Variants in FGGY observed in about 807,000 individuals in gnomAD.
The protein encoded by FGGY is FGGY carbohydrate kinase domain-containing protein.
FGGY carries 72 observed loss-of-function variants against 71.3 expected under a neutral mutation model. That is an observed-to-expected ratio of 1.01 (90% CI 0.84 to 1.23). The LOEUF is 1.23. Among genes scored for constraint, FGGY ranks in the 50% most tolerant of loss-of-function variants. The pLI is 0.00. For synonymous variants in FGGY, 251 were observed against 250.3 expected (o/e 1.00, Z -0.02); for missense variants, 668 against 682.3 (o/e 0.98, Z 0.23).
intron 2 of FGGY, among the ~76,000 whole-genome samples, chr1:59,339,010 C>T (rs1012855234): frequency 3.9e-5 from 6 of 152,132 alleles, no homozygotes; most frequent in African/African-American, 1.4e-4. Flanking sequence ...GGCATTGTGA[C>T]GCCACACATG....
chr1:59,607,913 A>G lies in FGGY; in HGVS notation c.1011+3A>G. The G allele has an allele frequency of 1.9e-6, 3 of 1,610,184 alleles. No homozygotes were observed. Among genetic ancestry groups the G allele is most frequent in the Non-Finnish European group, 2.5e-6 (3 of 1,176,544 alleles). ...GTCAGAGCGTTACTGGAAAATTGGT[A>G]AGTTGACACTTTCTCAATAGGGTCA... On this transcript the variant is annotated splice_donor_region_variant and intron_variant, in intron 9 of 15. Transcript: ENST00000303721.
At chr1:59,340,129 G>A in intron 3 of FGGY, 60 bp downstream of exon 3, 1 of 1,218,216 alleles carries the variant, frequency 8.2e-7, no homozygotes. Context: ...AATCCAATGG[G>A]CCCAGGTGGA....
chr1:59,665,510 A>G (rs1446802439), intron 12 of FGGY, among the ~76,000 whole-genome samples: 5 of 152,048 alleles, frequency 3.3e-5, no homozygotes, highest in Non-Finnish European at 7.4e-5. Context: ...TTCATGTCCT[A>G]TGGTTCCCAG....
chr1:59,535,494 T>C (rs1328751562), intron 7 of FGGY, among the ~76,000 whole-genome samples: 2 of 152,146 alleles, frequency 1.3e-5, no homozygotes, highest in African/African-American at 2.4e-5. Context: ...AATAGACATC[T>C]ACAGAACTCT....
chr1:59,668,991 CAAAAAAAAAAAA>C (rs33999903), intron 13 of FGGY, among the ~76,000 whole-genome samples: 1 of 37,108 alleles, frequency 2.7e-5, no homozygotes, highest in Non-Finnish European at 6.4e-5. Context: ...AACTCCATCT[CAAAAAAAAAAAA>C]AAAAAAAAAG....
Position 59,297,154 on chromosome 1 carries a change from AG to A in FGGY, c.-15+6del, listed in dbSNP as rs920512601. ...AGTCCCCTGTGTCCTCTTCTGGGTG[AG>A]GCGTCCGGCCACTTAAGGGAAGGGA... On this transcript the variant is annotated splice_donor_5th_base_variant and intron_variant, in intron 1 of 15. Transcript: ENST00000303721. 2.2e-4 allele frequency: 34 copies of A among 152,258 alleles called. No homozygotes were observed. Among genetic ancestry groups the A allele is most frequent in the African/African-American group, 8.0e-4 (33 of 41,312 alleles). The allele number at this position is 152,258 out of a possible 1,614,324, so 9.4% of individuals were successfully genotyped here.
chr1:59,440,094 C>CAAAAAAAAAAAAAAAAAAAGAAAAAAAA (rs140279518), intron 5 of FGGY, among the ~76,000 whole-genome samples: 1 of 125,542 alleles, frequency 8.0e-6, no homozygotes. Flanking sequence ...TTGCAAGGTT[C>CAAAAAAAAAAAAAAAAAAAGAAAAAAAA]AAAAAAAAAA....
intron 10 of FGGY, among the ~76,000 whole-genome samples, chr1:59,634,779 G>A (rs913207846): frequency 1.3e-5 from 2 of 152,134 alleles, no homozygotes; most frequent in African/African-American, 4.8e-5. Flanking sequence ...TAGTGCTCAG[G>A]GCTCTATGTT....
chr1:59,593,057 C>A (rs1287860718), intron 8 of FGGY, among the ~76,000 whole-genome samples: 1 of 152,230 alleles, frequency 6.6e-6, no homozygotes, highest in African/African-American at 2.4e-5. Context: ...CACATATACA[C>A]CCTGATGCTG....
chr1:59,551,912 G>A (rs898500037), intron 7 of FGGY, among the ~76,000 whole-genome samples: 1 of 152,118 alleles, frequency 6.6e-6, no homozygotes, highest in African/African-American at 2.4e-5. Context: ...ATGGAGAATC[G>A]TGTCACTCAG....
intron 2 of FGGY, among the ~76,000 whole-genome samples, chr1:59,326,013 A>G (rs1408828504): frequency 6.6e-6 from 1 of 152,252 alleles, no homozygotes; most frequent in Non-Finnish European, 1.5e-5. Flanking sequence ...TTATGGAGCC[A>G]CAAATCTTAA....
intron 9 of FGGY, among the ~76,000 whole-genome samples, chr1:59,622,169 AGTTT>A (rs2096816254): frequency 2.0e-5 from 3 of 152,186 alleles, no homozygotes; most frequent in Admixed American, 1.3e-4. Context: ...GTATTTTAAT[AGTTT>A]GTTTCTTTGC....
At chr1:59,750,609 T>C (rs1184805967) in intron 14 of FGGY, among the ~76,000 whole-genome samples, 1 of 152,200 alleles carries the variant, frequency 6.6e-6, no homozygotes. Context: ...CTCTCATCCC[T>C]TCCTGCTTCT....
intron 4 of FGGY, among the ~76,000 whole-genome samples, chr1:59,369,048 C>A (rs566132919): frequency 6.6e-6 from 1 of 152,282 alleles, no homozygotes; most frequent in South Asian, 2.1e-4. Context: ...CTAGGGAGTG[C>A]CAGACAGTGG....
chr1:59,641,413 C>A, intron 11 of FGGY: 1 of 1,361,484 alleles, frequency 7.3e-7, no homozygotes, highest in South Asian at 1.2e-5. Context: ...TGAATACCTG[C>A]TATGTGCAGG....
chr1:59,351,799 A>T (rs1411598284), intron 4 of FGGY, among the ~76,000 whole-genome samples: 1 of 152,154 alleles, frequency 6.6e-6, no homozygotes, highest in Non-Finnish European at 1.5e-5. Flanking sequence ...AGTCAGATGG[A>T]GGAGCCAGAG....
At chr1:59,718,307 C>T (rs1343950310) in intron 14 of FGGY, among the ~76,000 whole-genome samples, 1 of 152,176 alleles carries the variant, frequency 6.6e-6, no homozygotes, top group Admixed American at 6.5e-5. Flanking sequence ...TGTTTATTAA[C>T]ACATTATTAT....
chr1:59,373,140 T>A (rs1371858313), intron 4 of FGGY, among the ~76,000 whole-genome samples: 1 of 152,112 alleles, frequency 6.6e-6, no homozygotes, highest in African/African-American at 2.4e-5. Flanking sequence ...GCAGACGACA[T>A]GATTGTGTAT....
chr1:59,330,946 C>G (rs931849922), intron 2 of FGGY, among the ~76,000 whole-genome samples: 1 of 151,996 alleles, frequency 6.6e-6, no homozygotes, highest in African/African-American at 2.4e-5. Context: ...AGGCAGACAT[C>G]CTGATGAGTT....
Sources: allele counts gnomAD v4.1 joint callset (sites outside exome capture counted in the v4.1 genomes callset), GRCh38; gene constraint gnomAD v4.1.1; transcripts MANE v1.5; gene names NCBI Gene and HGNC (gene_info 2026-07-23, HGNC 2026-07-21).